The following PPP3CC variants were observed in gnomAD, a reference collection of about 807,000 sequenced individuals.
PPP3CC encodes serine/threonine-protein phosphatase 2B catalytic subunit gamma isoform.
In PPP3CC, 35 loss-of-function variants were observed where a neutral mutation model predicts 60.3. The observed-to-expected ratio is 0.58, with a 90% CI of 0.44 to 0.77. The LOEUF (loss-of-function observed/expected upper bound fraction) is 0.77, where lower values mean the gene tolerates loss of function less well. Among genes scored for constraint, PPP3CC ranks in the 30% least tolerant of loss-of-function variants. The probability of loss-of-function intolerance (pLI) is 0.00; values close to 1 mark genes in which losing one functional copy is unlikely to be tolerated. For missense variants in PPP3CC, 570 were observed against 628.9 expected, an observed-to-expected ratio of 0.91 and a Z score of 1.00; for synonymous variants, 206 against 224.3, an observed-to-expected ratio of 0.92 and a Z score of 0.73.
chr8:22,471,669 A>C (rs1837725876), intron 1 of PPP3CC, among the ~76,000 whole-genome samples: 1 of 152,214 alleles, frequency 6.6e-6, no homozygotes. Context: ...GTACACCTGT[A>C]TAGGGCACTT....
chr8:22,531,269 C>T, intron 10 of PPP3CC: 1 of 1,518,154 alleles, frequency 6.6e-7, no homozygotes, highest in Non-Finnish European at 8.8e-7. Flanking sequence ...CTGTCTTCAT[C>T]TCCTTGTTTC....
chr8:22,442,255 TTCTC>T (rs1362054846), intron 1 of PPP3CC, among the ~76,000 whole-genome samples: 2 of 152,214 alleles, frequency 1.3e-5, no homozygotes, highest in Non-Finnish European at 2.9e-5. Flanking sequence ...GGCACAACCC[TTCTC>T]TCTGAGATTA....
At chr8:22,533,046 A>G (rs1233859972) in intron 12 of PPP3CC, 28 bp downstream of exon 12, 2 of 1,498,058 alleles carry the variant, frequency 1.3e-6, no homozygotes, top group Non-Finnish European at 1.8e-6. Flanking sequence ...CCTCCATGGA[A>G]GGTGTGCTCC....
intron 4 of PPP3CC, among the ~76,000 whole-genome samples, chr8:22,508,034 G>A (rs1331501963): frequency 6.6e-6 from 1 of 152,168 alleles, no homozygotes; most frequent in African/African-American, 2.4e-5. Flanking sequence ...CAGGAGGATT[G>A]CTTGAGGCCA....
In PPP3CC at chr8:22,512,515, C is replaced by T. The variant is rs116439977; in HGVS notation, c.631-778C>T. On this transcript the variant is annotated intron_variant, in intron 5 of 13. Transcript: ENST00000240139. ...GCATAGACTGGAAAGGATAAATGCC[C>T]TTACAAAATTAGCATTCTTTAAAAT... is the stretch of plus-strand genomic sequence containing the variant. Among the ~76,000 whole-genome samples, 479 of 152,152 alleles carry T rather than the reference C, an allele frequency of 3.1e-3. 3 individuals carry two copies. Among genetic ancestry groups the T allele is most frequent in the African/African-American group, 0.011 (454 of 41,516 alleles).
intron 12 of PPP3CC, among the ~76,000 whole-genome samples, chr8:22,533,834 CAA>C (rs1020075124): frequency 9.3e-5 from 14 of 150,896 alleles, no homozygotes; most frequent in African/African-American, 3.4e-4. Context: ...CAAAAAAAAC[CAA>C]AGTGACCAAT....
chr8:22,474,694 G>C lies in PPP3CC; in HGVS notation c.50-260G>C, dbSNP rs1837833730. Among the ~76,000 whole-genome samples, 2 of 152,052 alleles carry C rather than the reference G, an allele frequency of 1.3e-5. 1 individual carries two copies. The highest frequency in any genetic ancestry group is 4.8e-5 in the African/African-American group (2 of 41,398). On this transcript the variant is annotated intron_variant, in intron 1 of 13. Transcript: ENST00000240139. ...ATTCCAGCCTGGGTTGACAGAGCAAGCCTCCATCTCAAAAAAACAAACAAC... is the reference window on the plus strand; with the variant it reads ...ATTCCAGCCTGGGTTGACAGAGCAACCCTCCATCTCAAAAAAACAAACAAC...
At chr8:22,525,290 G>A (rs1253788694) in intron 8 of PPP3CC, among the ~76,000 whole-genome samples, 2 of 152,164 alleles carry the variant, frequency 1.3e-5, no homozygotes, top group Non-Finnish European at 2.9e-5. Flanking sequence ...GAAAAAGGCA[G>A]AAAATGTGGC....
chr8:22,454,981 G>A (rs1373140503), intron 1 of PPP3CC, among the ~76,000 whole-genome samples: 1 of 150,656 alleles, frequency 6.6e-6, no homozygotes, highest in African/African-American at 2.4e-5. Flanking sequence ...GCATGAACCC[G>A]GGAGGCAGAG....
intron 1 of PPP3CC, 108 bp downstream of exon 1, chr8:22,441,566 G>C (rs1836671913): frequency 1.6e-6 from 2 of 1,241,828 alleles, no homozygotes; most frequent in African/African-American, 3.2e-5. Flanking sequence ...CACCCTAGGA[G>C]GGCTCGGAGG....
intron 1 of PPP3CC, among the ~76,000 whole-genome samples, chr8:22,468,460 T>G (rs1165050420): frequency 1.3e-5 from 2 of 152,194 alleles, no homozygotes; most frequent in Non-Finnish European, 2.9e-5. Context: ...GAATCAAGCA[T>G]TTTAAAAATG....
At chr8:22,535,061 T>C (rs1839813906) in intron 12 of PPP3CC, among the ~76,000 whole-genome samples, 1 of 152,218 alleles carries the variant, frequency 6.6e-6, no homozygotes, top group African/African-American at 2.4e-5. Context: ...TGTAAGAATG[T>C]GTTGAGCTGT....
At chr8:22,500,085 T>C (rs2469749) in intron 4 of PPP3CC, among the ~76,000 whole-genome samples, 100,435 of 152,020 alleles carry the variant, frequency 0.66, 33,319 homozygotes, top group African/African-American at 0.72. Flanking sequence ...AACACACTCT[T>C]GAAAAAGAAT....
chr8:22,532,152 C>A, intron 10 of PPP3CC, 73 bp from the exon 11 acceptor site: 1 of 1,103,602 alleles, frequency 9.1e-7, no homozygotes, highest in Non-Finnish European at 1.3e-6. Context: ...ACTTAAGACA[C>A]TTCATCCTGA....
chr8:22,474,985 T>C lies in PPP3CC; in HGVS notation c.81T>C (p.Thr27=), dbSNP rs750914252. The C allele has an allele frequency of 3.5e-5, 56 of 1,606,408 alleles. No individual in the cohort carries two copies. Among genetic ancestry groups the C allele is most frequent in the Non-Finnish European group, 4.6e-5 (54 of 1,175,474 alleles). Residue 27 remains threonine (T), a synonymous_variant, in exon 2 of 14, where the codon ACT becomes ACC. Transcript: ENST00000240139. ...AVPFPPTQRL[T]FKEVFENGKP... is the part of the protein sequence containing the mutation. ...CCTTTCCTCCAACCCAACGGCTTAC[T>C]TTCAAGGAAGTATTTGAGAATGGGA... is the stretch of plus-strand genomic sequence containing the variant.
At chr8:22,492,542 C>T (rs965189478) in intron 3 of PPP3CC, 1 of 374,572 alleles carries the variant, frequency 2.7e-6, no homozygotes, top group Non-Finnish European at 4.9e-6. Flanking sequence ...CACCTAATCT[C>T]AGCTGGTGGT....
chr8:22,496,695 C>G (rs1276288972), intron 3 of PPP3CC, among the ~76,000 whole-genome samples: 1 of 151,314 alleles, frequency 6.6e-6, no homozygotes, highest in South Asian at 2.1e-4. Flanking sequence ...CGGGGTTTCA[C>G]CATATTGGCC....
At chr8:22,492,090 AGCCT>A in intron 3 of PPP3CC, among the ~76,000 whole-genome samples, 1 of 152,292 alleles carries the variant, frequency 6.6e-6, no homozygotes, top group Non-Finnish European at 1.5e-5. Flanking sequence ...TAGGTGGTAT[AGCCT>A]GCTACACACC....
chr8:22,504,273 A>G (rs1838847525), intron 4 of PPP3CC, among the ~76,000 whole-genome samples: 1 of 152,088 alleles, frequency 6.6e-6, no homozygotes, highest in South Asian at 2.1e-4. Context: ...CGCCTCAAAC[A>G]TTTATTTTTT....
Sources: allele counts gnomAD v4.1 joint callset (sites outside exome capture counted in the v4.1 genomes callset), GRCh38; gene constraint gnomAD v4.1.1; transcripts MANE v1.5; gene names NCBI Gene and HGNC (gene_info 2026-07-23, HGNC 2026-07-21).